The following TTC8 variants were observed in gnomAD, a reference collection of about 807,000 sequenced individuals.
TTC8 encodes tetratricopeptide repeat protein 8.
Under a neutral mutation model 72.5 loss-of-function variants are expected in TTC8, and 47 were observed. The observed-to-expected ratio is 0.65, with a 90% CI of 0.51 to 0.83. The LOEUF is 0.83. Among genes scored for constraint, TTC8 ranks in the 40% least tolerant of loss-of-function variants. TTC8 has a pLI of 0.00. For missense variants in TTC8, 611 were observed against 623.2 expected (o/e 0.98, Z 0.21); for synonymous variants, 199 against 221.4 (o/e 0.90, Z 0.90).
At chr14:88,857,130 G>A in intron 8 of TTC8, 60 bp from the exon 9 acceptor site, 3 of 1,420,180 alleles carry the variant, frequency 2.1e-6, no homozygotes, top group South Asian at 1.1e-5. Flanking sequence ...TCATCCTCAG[G>A]GTATGATGTA....
chr14:88,846,398 T>A (rs908565507), intron 7 of TTC8, among the ~76,000 whole-genome samples: 1 of 152,104 alleles, frequency 6.6e-6, no homozygotes, highest in Admixed American at 6.6e-5. Context: ...CACATCATTA[T>A]GTGTAGGAAG....
chr14:88,841,622 T>G (rs1238159744), intron 6 of TTC8, 108 bp downstream of exon 6: 13 of 947,816 alleles, frequency 1.4e-5, no homozygotes, highest in Non-Finnish European at 1.7e-6. Context: ...ATGTCTTTAT[T>G]GAAGTGGAAA....
At position 88,824,666 on chromosome 14, in the gene TTC8, C is replaced by G. The variant is rs770165064; in HGVS notation, c.-42C>G. On this transcript the variant is annotated 5_prime_UTR_variant, in exon 1 of 15. Coordinates refer to ENST00000380656, the MANE Select transcript of TTC8 (RefSeq NM_144596.4). ...CCAGCTCTTCACTCCACGCCCACCT[C>G]TCTCCTGGAGCGCTGGGCCTTCGCT... The G allele has an allele frequency of 6.6e-7, 1 of 1,526,554 alleles. No homozygotes were observed. The highest frequency in any genetic ancestry group is 8.9e-7 in the Non-Finnish European group (1 of 1,121,468). The allele number at this position is 1,526,554 out of a possible 1,614,324, so 94.6% of individuals were successfully genotyped here. A position where few individuals can be genotyped will look rare whatever the true frequency, so the allele number is the denominator to read the frequency against.
intron 1 of TTC8, among the ~76,000 whole-genome samples, chr14:88,832,265 A>T (rs1341918375): frequency 1.3e-5 from 2 of 152,138 alleles, no homozygotes; most frequent in African/African-American, 4.8e-5. Context: ...TGGTGGTTTC[A>T]TTTTGTGTCA....
Position 88,841,184 on chromosome 14 carries a change from C to T in TTC8, c.477C>T (p.Val159=), listed in dbSNP as rs1405372281. Residue 159 remains valine (V), a synonymous_variant, in exon 5 of 15, where the codon GTC becomes GTT. Coordinates refer to ENST00000380656, the MANE Select transcript of TTC8 (RefSeq NM_144596.4). The stretch of plus-strand genomic sequence containing the variant: ...TCACCAGCTCCTCCGGAAGATTTGT[C>T]AGGCTGGGAACGGTAAATTCTATCA... The part of the protein sequence containing the change: ...RPITSSSGRF[V]RLGTASMLTS... The T allele has an allele frequency of 1.2e-6, 2 of 1,613,900 alleles. No homozygotes were observed. Among genetic ancestry groups the T allele is most frequent in the South Asian group, 1.1e-5 (1 of 91,086 alleles).
rs1368336662 is a variant in TTC8 at position 88,839,301 on chromosome 14, G to T, written c.145-151G>T. On this transcript the variant is annotated intron_variant, in intron 2 of 14. Coordinates refer to ENST00000380656, the MANE Select transcript of TTC8 (RefSeq NM_144596.4). ...ATGATGGCTTCTTGTATTAGTTTTT[G>T]ACATGGCCCTTTAAATTAAAATAAT... 129 of 725,452 alleles carry T rather than the reference G, an allele frequency of 1.8e-4. No homozygotes were observed. The African/African-American group carries it at 2.2e-3, about 13-fold the overall frequency. The allele number at this position is 725,452 out of a possible 1,614,324, so 44.9% of individuals were successfully genotyped here.
intron 8 of TTC8, 74 bp downstream of exon 8, chr14:88,853,130 G>T (rs761458994): frequency 2.7e-5 from 29 of 1,080,546 alleles, no homozygotes; most frequent in East Asian, 5.0e-5. Context: ...ACTTTTTGAG[G>T]GGGGGGAGAT....
chr14:88,862,575 T>G (rs1427108410), intron 10 of TTC8, among the ~76,000 whole-genome samples: 2 of 69,618 alleles, frequency 2.9e-5, no homozygotes, highest in Non-Finnish European at 5.4e-5. Context: ...TATATATATA[T>G]ATATATATAT....
At chr14:88,840,757 TTAA>T (rs2094776391) in intron 3 of TTC8, 105 bp from the exon 4 acceptor site, 1 of 1,035,766 alleles carries the variant, frequency 9.7e-7, no homozygotes, top group Admixed American at 2.0e-5. Context: ...TTTCTTGCTA[TTAA>T]TGTCTTTTTC....
intron 9 of TTC8, among the ~76,000 whole-genome samples, chr14:88,860,147 C>T (rs1021937691): frequency 1.3e-5 from 2 of 150,710 alleles, no homozygotes; most frequent in African/African-American, 4.9e-5. Context: ...AGAACTTGTA[C>T]AGTCAATAGT....
intron 14 of TTC8, 51 bp from the exon 15 acceptor site, chr14:88,877,243 C>G (rs926870368): frequency 7.3e-7 from 1 of 1,365,722 alleles, no homozygotes; most frequent in African/African-American, 1.4e-5. Flanking sequence ...TACTTCCTTA[C>G]TCATTTTTTT....
At chr14:88,862,268 G>C (rs1470677065) in intron 10 of TTC8, among the ~76,000 whole-genome samples, 1 of 151,566 alleles carries the variant, frequency 6.6e-6, no homozygotes, top group African/African-American at 2.4e-5. Flanking sequence ...ATACCTGTTG[G>C]CCATTTGTAT....
At chr14:88,857,118 A>G (rs967253212) in intron 8 of TTC8, 72 bp from the exon 9 acceptor site, 34 of 1,314,684 alleles carry the variant, frequency 2.6e-5, no homozygotes, top group African/African-American at 4.3e-5. Context: ...ATTTGTCTCT[A>G]TTCATCCTCA....
intron 1 of TTC8, among the ~76,000 whole-genome samples, chr14:88,831,806 A>G (rs1488424804): frequency 2.6e-5 from 4 of 152,214 alleles, no homozygotes; most frequent in African/African-American, 2.4e-5. Context: ...GATGTTGAAT[A>G]TAGTTCATAA....
At chr14:88,831,114 A>G (rs545172986) in intron 1 of TTC8, 6 of 234,620 alleles carry the variant, frequency 2.6e-5, no homozygotes, top group African/African-American at 9.1e-5. Context: ...GGTTAAAGTG[A>G]AGAAACCAGC....
chr14:88,826,196 GC>G (rs2094699556), intron 1 of TTC8, among the ~76,000 whole-genome samples: 1 of 151,484 alleles, frequency 6.6e-6, no homozygotes, highest in South Asian at 2.1e-4. Context: ...CACCGTGTTA[GC>G]CAGGGTGGTC....
At chr14:88,839,366 C>A in intron 2 of TTC8, 86 bp from the exon 3 acceptor site, 2 of 1,395,960 alleles carry the variant, frequency 1.4e-6, no homozygotes, top group South Asian at 1.3e-5. Flanking sequence ...AATGAAATAA[C>A]AACAATGAAG....
chr14:88,873,538 C>T (rs2094944156), intron 13 of TTC8, among the ~76,000 whole-genome samples: 1 of 152,112 alleles, frequency 6.6e-6, no homozygotes, highest in African/African-American at 2.4e-5. Flanking sequence ...TTCCCAGCAT[C>T]AGAAACAGTA....
At chr14:88,843,600 C>T (rs980399970) in intron 6 of TTC8, among the ~76,000 whole-genome samples, 5 of 151,666 alleles carry the variant, frequency 3.3e-5, no homozygotes, top group Non-Finnish European at 5.9e-5. Flanking sequence ...ATACATAATA[C>T]GAAAAAAAGT....
Sources: gnomAD v4.1 joint callset for allele counts (sites outside exome capture counted in the v4.1 genomes callset) on GRCh38, gnomAD v4.1.1 for gene constraint, MANE v1.5 for transcripts, NCBI Gene and HGNC (gene_info 2026-07-23, HGNC 2026-07-21) for gene names.